PDE10A: variants seen among roughly 807,000 people sequenced by gnomAD.
PDE10A encodes cAMP and cAMP-inhibited cGMP 3',5'-cyclic phosphodiesterase 10A.
A neutral mutation model predicts 97.7 loss-of-function variants in PDE10A; 39 were observed. The observed-to-expected ratio is 0.40, with a 90% CI of 0.31 to 0.52. PDE10A has a LOEUF of 0.52. PDE10A is among the 20% of genes least tolerant of loss of function. The pLI, the probability that PDE10A is intolerant of heterozygous loss-of-function variation, is 0.56. For synonymous variants in PDE10A, 371 were observed against 376.8 expected, an observed-to-expected ratio of 0.98 and a Z score of 0.18; for missense variants, 731 against 1,047.8, an observed-to-expected ratio of 0.70 and a Z score of 4.17.
intron 1 of PDE10A, among the ~76,000 whole-genome samples, chr6:165,639,253 T>G (rs1265740707): frequency 6.6e-6 from 1 of 152,166 alleles, no homozygotes; most frequent in African/African-American, 2.4e-5. Context: ...CTAGTCAATA[T>G]TCAAACTCCA....
At chr6:165,415,032 G>A (rs1788207380) in intron 12 of PDE10A, among the ~76,000 whole-genome samples, 1 of 152,092 alleles carries the variant, frequency 6.6e-6, no homozygotes, top group African/African-American at 2.4e-5. Context: ...TCATTGTTAT[G>A]CTGGAAGAGT....
intron 1 of PDE10A, among the ~76,000 whole-genome samples, chr6:165,559,723 C>T (rs1000770606): frequency 6.6e-6 from 1 of 152,252 alleles, no homozygotes; most frequent in Admixed American, 6.5e-5. Flanking sequence ...CCATAATTCC[C>T]ACGTGTTGCG....
chr6:165,448,777 T>C, intron 5 of PDE10A, 151 bp downstream of exon 5: 3 of 546,456 alleles, frequency 5.5e-6, no homozygotes, highest in Non-Finnish European at 9.7e-6. Context: ...AGTAAAATTC[T>C]TGACTGGTAA....
intron 1 of PDE10A, among the ~76,000 whole-genome samples, chr6:165,824,901 A>G (rs1310117213): frequency 6.7e-6 from 1 of 149,168 alleles, no homozygotes; most frequent in African/African-American, 2.5e-5. Context: ...AGGCCGAGGC[A>G]GGTGGATCCA....
At chr6:165,772,993 A>C (rs908688559) in intron 1 of PDE10A, among the ~76,000 whole-genome samples, 1 of 152,260 alleles carries the variant, frequency 6.6e-6, no homozygotes, top group Non-Finnish European at 1.5e-5. Context: ...CCATTTCCTT[A>C]TGCTGAATTA....
At chr6:165,945,213 C>G (rs1443948957) in intron 1 of PDE10A, among the ~76,000 whole-genome samples, 1 of 152,178 alleles carries the variant, frequency 6.6e-6, no homozygotes, top group East Asian at 1.9e-4. Flanking sequence ...CTCCTGACAA[C>G]AGCCATGTGC....
chr6:165,912,562 G>T (rs966849488), intron 1 of PDE10A, among the ~76,000 whole-genome samples: 1 of 152,196 alleles, frequency 6.6e-6, no homozygotes, highest in Non-Finnish European at 1.5e-5. Context: ...AGCCTACAAT[G>T]GCCTAAGCAC....
chr6:165,396,791 A>G (rs1206242291), intron 13 of PDE10A, among the ~76,000 whole-genome samples: 3 of 152,226 alleles, frequency 2.0e-5, no homozygotes, highest in Non-Finnish European at 4.4e-5. Flanking sequence ...TTATTATCAG[A>G]AAATGAATAT....
At chr6:165,937,167 C>G (rs1783360428) in intron 1 of PDE10A, among the ~76,000 whole-genome samples, 1 of 152,204 alleles carries the variant, frequency 6.6e-6, no homozygotes, top group African/African-American at 2.4e-5. Context: ...GAAAGCCAAA[C>G]CCTGTAACCC....
chr6:165,344,555 C>G (rs902219996), intron 18 of PDE10A, among the ~76,000 whole-genome samples: 1 of 152,150 alleles, frequency 6.6e-6, no homozygotes, highest in African/African-American at 2.4e-5. Flanking sequence ...CCCTAGCTCC[C>G]GAGCCTGTCT....
chr6:165,542,089 GT>G (rs749873052), intron 2 of PDE10A, among the ~76,000 whole-genome samples: 1 of 152,002 alleles, frequency 6.6e-6, no homozygotes, highest in Non-Finnish European at 1.5e-5. Flanking sequence ...CACTAATAAA[GT>G]TTCCCCCAAA....
chr6:165,649,814 T>A (rs1204346932), intron 1 of PDE10A, among the ~76,000 whole-genome samples: 1 of 152,236 alleles, frequency 6.6e-6, no homozygotes, highest in African/African-American at 2.4e-5. Flanking sequence ...CAACAAGGCA[T>A]CTGGTTTCTT....
chr6:165,333,199 A>C (rs935558169), intron 21 of PDE10A, 72 bp from the exon 22 acceptor site: 12 of 936,230 alleles, frequency 1.3e-5, no homozygotes, highest in Non-Finnish European at 2.1e-5. Context: ...AAAACTAACC[A>C]AACAGTCCTG....
intron 1 of PDE10A, among the ~76,000 whole-genome samples, chr6:165,872,653 T>C (rs1476426955): frequency 2.5e-5 from 1 of 39,592 alleles, no homozygotes; most frequent in Non-Finnish European, 5.0e-5. Flanking sequence ...GGAGCTGTGT[T>C]TTTTTTGTTG....
At chr6:165,943,313 AGGAAG>A (rs1783637558) in intron 1 of PDE10A, among the ~76,000 whole-genome samples, 2 of 126,720 alleles carry the variant, frequency 1.6e-5, no homozygotes, top group African/African-American at 6.1e-5. Context: ...GAAAGAAGGA[AGGAAG>A]GAAAGAAAGA....
intron 1 of PDE10A, among the ~76,000 whole-genome samples, chr6:165,626,048 A>G (rs1390574159): frequency 6.6e-6 from 1 of 152,152 alleles, no homozygotes; most frequent in Non-Finnish European, 1.5e-5. Context: ...ACATTTAGAG[A>G]TTGAGAGGAT....
At chr6:165,877,455 G>T (rs2128479896) in intron 1 of PDE10A, among the ~76,000 whole-genome samples, 1 of 152,266 alleles carries the variant, frequency 6.6e-6, no homozygotes, top group South Asian at 2.1e-4. Flanking sequence ...AGGTCTATAG[G>T]TCAGCCTGCC....
chr6:165,505,730 C>G (rs574170263), intron 2 of PDE10A, among the ~76,000 whole-genome samples: 1 of 152,068 alleles, frequency 6.6e-6, no homozygotes, highest in Non-Finnish European at 1.5e-5. Context: ...AGCCATAGAG[C>G]TTCTCTCAGA....
At chr6:165,766,655 A>G (rs746581442) in intron 1 of PDE10A, among the ~76,000 whole-genome samples, 1 of 152,228 alleles carries the variant, frequency 6.6e-6, no homozygotes, top group Non-Finnish European at 1.5e-5. Context: ...CGGTGTCTGC[A>G]GGCTTGGATT....
Sources: allele counts gnomAD v4.1 joint callset (sites outside exome capture counted in the v4.1 genomes callset), GRCh38; gene constraint gnomAD v4.1.1; transcripts MANE v1.5; gene names NCBI Gene and HGNC (gene_info 2026-07-23, HGNC 2026-07-21).